Variants in RPS6KA5 observed in about 807,000 individuals in gnomAD.
RPS6KA5 encodes the protein ribosomal protein S6 kinase A5.
A neutral mutation model predicts 85.5 loss-of-function variants in RPS6KA5; 27 were observed. That is an observed-to-expected ratio of 0.32 (90% CI 0.23 to 0.44). The LOEUF is 0.44. Ranked by LOEUF, RPS6KA5 falls within the 20% of genes least tolerant of loss-of-function variation. The pLI is 1.00. For synonymous variants in RPS6KA5, 334 were observed against 348.2 expected (o/e 0.96, Z 0.46); for missense variants, 811 against 980.9 (o/e 0.83, Z 2.31).
chr14:90,881,140 A>G (rs1413742203), intron 14 of RPS6KA5, among the ~76,000 whole-genome samples: 2 of 151,776 alleles, frequency 1.3e-5, no homozygotes, highest in Non-Finnish European at 2.9e-5. Flanking sequence ...AGCCTCTTGT[A>G]AACTTTTTTG....
intron 14 of RPS6KA5, among the ~76,000 whole-genome samples, chr14:90,887,222 C>G (rs1286255): frequency 6.6e-6 from 1 of 152,152 alleles, no homozygotes; most frequent in Non-Finnish European, 1.5e-5. Context: ...TGCTCTGTCA[C>G]CCACTGTGGA....
intron 1 of RPS6KA5, among the ~76,000 whole-genome samples, chr14:91,058,852 C>T (rs190233544): frequency 1.6e-3 from 245 of 152,280 alleles, no homozygotes; most frequent in Middle Eastern, 3.4e-3. Flanking sequence ...AATTTGACAT[C>T]TCTCTTGAAT....
chr14:91,051,522 G>A (rs2043078755), intron 1 of RPS6KA5, among the ~76,000 whole-genome samples: 1 of 151,954 alleles, frequency 6.6e-6, no homozygotes, highest in South Asian at 2.1e-4. Context: ...GAGTTTTGCT[G>A]TTGTTGCCCA....
rs1191068353 is a variant in RPS6KA5, at chr14:90,871,618, A to G, written c.*456T>C. On this transcript the variant is annotated 3_prime_UTR_variant, in exon 17 of 17. Transcript: ENST00000614987. Reference sequence around the variant, plus strand: ...TAAGTATATGCCACACATAAAATTCATTACAGAATCTTTTTTGAAAACAGA... The same window carrying G: ...TAAGTATATGCCACACATAAAATTCGTTACAGAATCTTTTTTGAAAACAGA... The G allele has an allele frequency of 6.5e-6, 1 of 152,988 alleles. No individual in the cohort carries two copies. The highest frequency in any genetic ancestry group is 2.4e-5 in the African/African-American group (1 of 41,458). The allele number at this position is 152,988 out of a possible 1,614,324, so 9.5% of individuals were successfully genotyped here. A position where few individuals can be genotyped will look rare whatever the true frequency, so the allele number is the denominator to read the frequency against.
chr14:90,923,474 C>A lies in RPS6KA5; in HGVS notation c.619-278G>T, dbSNP rs2036508254. Among the ~76,000 whole-genome samples, 3 of 143,708 alleles carry A rather than the reference C, an allele frequency of 2.1e-5. No homozygotes were observed. The South Asian group carries it at 6.4e-4, about 31-fold the overall frequency. 94.3% of individuals were successfully genotyped at this position (143,708 alleles called of 152,430 possible). On this transcript the variant is annotated intron_variant, in intron 5 of 16. Transcript: ENST00000614987. Reference sequence around the variant, plus strand: ...CATCCATCCATCCATCCATCCTTTCCATGAATCCATTCATTTATTCTTGTT... The same window carrying A: ...CATCCATCCATCCATCCATCCTTTCAATGAATCCATTCATTTATTCTTGTT...
chr14:90,939,277 A>G (rs554125639), intron 5 of RPS6KA5, among the ~76,000 whole-genome samples: 1 of 152,150 alleles, frequency 6.6e-6, no homozygotes, highest in Non-Finnish European at 1.5e-5. Flanking sequence ...TTCATTGTCC[A>G]TATCATTATC....
chr14:91,032,102 A>G (rs1425587983), intron 1 of RPS6KA5, among the ~76,000 whole-genome samples: 2 of 152,196 alleles, frequency 1.3e-5, no homozygotes, highest in Admixed American at 6.5e-5. Flanking sequence ...GGGAAGCTCA[A>G]TATCTGATTT....
At chr14:91,016,360 T>C (rs996427312) in intron 1 of RPS6KA5, among the ~76,000 whole-genome samples, 1 of 152,154 alleles carries the variant, frequency 6.6e-6, no homozygotes, top group Non-Finnish European at 1.5e-5. Flanking sequence ...TTTTTTTAAT[T>C]TTATTTTTAA....
In RPS6KA5 at chr14:90,860,671, T is replaced by TA. The variant is rs1297113356; in HGVS notation, c.*11402dup. ...ATTACATGATACATGAATTTTATCT[T>TA]AAAAAAATAAAAATACAGAAAAATA... On this transcript the variant is annotated 3_prime_UTR_variant, in exon 17 of 17. Coordinates refer to ENST00000614987, the MANE Select transcript of RPS6KA5 (RefSeq NM_004755.4). 1.3e-5 allele frequency: 2 copies of TA among 152,036 alleles called. No homozygotes were observed. The highest frequency in any genetic ancestry group is 2.9e-5 in the Non-Finnish European group (2 of 68,004). 9.4% of individuals were successfully genotyped at this position (152,036 alleles called of 1,614,324 possible).
intron 5 of RPS6KA5, among the ~76,000 whole-genome samples, chr14:90,934,824 AT>A: frequency 6.6e-6 from 1 of 152,292 alleles, no homozygotes; most frequent in South Asian, 2.1e-4. Context: ...GGGGAAAAAA[AT>A]CTCACTAATG....
intron 1 of RPS6KA5, among the ~76,000 whole-genome samples, chr14:91,044,273 GAAA>G (rs1847921954): frequency 2.7e-4 from 5 of 18,600 alleles, no homozygotes; most frequent in Non-Finnish European, 4.5e-4. Flanking sequence ...GAGAGAGAGA[GAAA>G]GAAAGAGAGA....
rs114859754 is a variant in RPS6KA5, at chr14:90,946,411, G to A, written c.510+1024C>T. Among the ~76,000 whole-genome samples, 840 of 152,150 alleles carry A rather than the reference G, an allele frequency of 5.5e-3. 5 individuals carry two copies. The highest frequency in any genetic ancestry group is 0.019 in the African/African-American group (785 of 41,486). ...CATCTCCCTTCACCTGGCAGGTCTG[G>A]TTTCTCCTCTGGGCTGGATCTGCCC... is the stretch of plus-strand genomic sequence containing the variant. On this transcript the variant is annotated intron_variant, in intron 4 of 16. Coordinates refer to ENST00000614987, the MANE Select transcript of RPS6KA5 (RefSeq NM_004755.4).
chr14:91,051,525 G>T (rs1268454054), intron 1 of RPS6KA5, among the ~76,000 whole-genome samples: 1 of 152,006 alleles, frequency 6.6e-6, no homozygotes, highest in Non-Finnish European at 1.5e-5. Context: ...TTTTGCTGTT[G>T]TTGCCCAGGC....
At chr14:90,985,934 G>C (rs576841973) in intron 2 of RPS6KA5, among the ~76,000 whole-genome samples, 4 of 152,118 alleles carry the variant, frequency 2.6e-5, no homozygotes, top group African/African-American at 9.7e-5. Flanking sequence ...TGCTTTGAAA[G>C]GACTAGATAA....
chr14:90,932,213 T>C (rs570868559), intron 5 of RPS6KA5, among the ~76,000 whole-genome samples: 80 of 152,234 alleles, frequency 5.3e-4, no homozygotes, highest in African/African-American at 1.8e-3. Context: ...ATCCTCTGCC[T>C]CCCGGATTCA....
At chr14:90,951,122 A>AG (rs1353588452) in intron 3 of RPS6KA5, among the ~76,000 whole-genome samples, 3 of 149,160 alleles carry the variant, frequency 2.0e-5, no homozygotes, top group Admixed American at 6.7e-5. Flanking sequence ...CAGTCTCAAA[A>AG]AAAAAAAAAA....
chr14:90,908,470 C>A (rs2035632212), intron 7 of RPS6KA5, among the ~76,000 whole-genome samples: 1 of 152,152 alleles, frequency 6.6e-6, no homozygotes, highest in Non-Finnish European at 1.5e-5. Context: ...TTGCCCCACC[C>A]TGTGAAAACA....
chr14:91,001,051 T>G, intron 2 of RPS6KA5, 37 bp downstream of exon 2: 1 of 1,203,176 alleles, frequency 8.3e-7, no homozygotes, highest in Non-Finnish European at 1.2e-6. Flanking sequence ...AATAAGTACT[T>G]TTTTTTTTCC....
intron 14 of RPS6KA5, among the ~76,000 whole-genome samples, chr14:90,882,628 A>G (rs2033916725): frequency 6.6e-6 from 1 of 151,688 alleles, no homozygotes. Flanking sequence ...TTCTCCCTCC[A>G]CTTTGAAGGA....
Sources: allele counts gnomAD v4.1 joint callset (sites outside exome capture counted in the v4.1 genomes callset), GRCh38; gene constraint gnomAD v4.1.1; transcripts MANE v1.5; gene names NCBI Gene and HGNC (gene_info 2026-07-23, HGNC 2026-07-21).